Variants in FSAF1 observed in about 807,000 individuals in gnomAD.
The protein encoded by FSAF1 is 40S small subunit processome assembly factor 1, also known as uncharacterized protein C1orf131.
At chr1:231,230,685 A>ACC in the FSAF1 span, among the ~76,000 whole-genome samples, 1 of 151,690 alleles carries the variant, frequency 6.6e-6, no homozygotes, top group South Asian at 2.1e-4. Context: ...CTCATCCCCC[A>ACC]CCCCAGCCCC....
chr1:231,233,381 A>G, the FSAF1 span, among the ~76,000 whole-genome samples: 2 of 152,182 alleles, frequency 1.3e-5, no homozygotes. Context: ...TGGCATCCTT[A>G]GGGTCAGGTT....
chr1:231,225,437 T>C, the FSAF1 span: 2 of 1,599,362 alleles, frequency 1.3e-6, no homozygotes, highest in African/African-American at 2.7e-5. Flanking sequence ...TTCATCCAGA[T>C]TGTTCAACCC....
chr1:231,234,987 AGGACCCTATTT>A, the FSAF1 span, among the ~76,000 whole-genome samples: 1 of 152,230 alleles, frequency 6.6e-6, no homozygotes, highest in Non-Finnish European at 1.5e-5. This position sits in a 1 kb window ranked among gnomAD's most constrained non-coding sequence, Gnocchi z 4.0. Context: ...ATGGTACTCC[AGGACCCTATTT>A]GTTTATAATT....
At chr1:231,226,602 G>C in the FSAF1 span, 1 of 799,098 alleles carries the variant, frequency 1.3e-6, no homozygotes, top group Non-Finnish European at 2.1e-6. Flanking sequence ...GAGCTAACTC[G>C]AAGAAATGGG....
chr1:231,230,695 C>T, the FSAF1 span, among the ~76,000 whole-genome samples: 1 of 152,158 alleles, frequency 6.6e-6, no homozygotes, highest in African/African-American at 2.4e-5. Context: ...ACCCCAGCCC[C>T]CACCACTGTA....
chr1:231,228,352 A>G, the FSAF1 span, among the ~76,000 whole-genome samples: 1 of 152,232 alleles, frequency 6.6e-6, no homozygotes, highest in South Asian at 2.1e-4. Context: ...TAATCCCAAC[A>G]CTTTGGGAGG....
the FSAF1 span, chr1:231,224,515 T>C: frequency 8.0e-7 from 1 of 1,249,972 alleles, no homozygotes. Context: ...TGCAAACTCC[T>C]GGTCGCCTGC....
At chr1:231,238,818 G>C in the FSAF1 span, 2 of 1,539,342 alleles carry the variant, frequency 1.3e-6, no homozygotes, top group Non-Finnish European at 1.8e-6. Flanking sequence ...ACAATACCAG[G>C]GGGTTCACCA....
the FSAF1 span, chr1:231,225,990 G>A: frequency 2.1e-5 from 1 of 46,934 alleles, no homozygotes; most frequent in Non-Finnish European, 3.7e-5. Context: ...GTTATACAAC[G>A]TAAAATGCAA....
the FSAF1 span, among the ~76,000 whole-genome samples, chr1:231,231,294 A>G: frequency 2.0e-5 from 3 of 152,154 alleles, no homozygotes; most frequent in East Asian, 1.9e-4. Context: ...TGAAGTTACG[A>G]TATCTTTTCC....
the FSAF1 span, among the ~76,000 whole-genome samples, chr1:231,229,794 A>C: frequency 3.9e-5 from 6 of 152,198 alleles, no homozygotes; most frequent in Middle Eastern, 3.2e-3. Flanking sequence ...AGTCAAATTC[A>C]CACAGACAGA....
chr1:231,236,113 A>C, the FSAF1 span, among the ~76,000 whole-genome samples: 1 of 152,232 alleles, frequency 6.6e-6, no homozygotes, highest in Non-Finnish European at 1.5e-5. Flanking sequence ...AAGTTTTTAG[A>C]GAACAAGGGC....
chr1:231,224,083 TG>T, the FSAF1 span: 1 of 534,486 alleles, frequency 1.9e-6, no homozygotes, highest in Non-Finnish European at 3.1e-6. Context: ...CATGCTGCAC[TG>T]GGCCTGACAC....
the FSAF1 span, chr1:231,223,775 C>T: frequency 6.6e-6 from 1 of 152,358 alleles, no homozygotes; most frequent in Non-Finnish European, 1.5e-5. Context: ...TACTACAAAC[C>T]TATTTTATTT....
chr1:231,233,512 C>A, the FSAF1 span, among the ~76,000 whole-genome samples: 2 of 152,202 alleles, frequency 1.3e-5, no homozygotes, highest in Admixed American at 6.5e-5. Flanking sequence ...ATTAATATTT[C>A]TGTGGCAATA....
chr1:231,238,758 G>C, the FSAF1 span: 1 of 1,187,506 alleles, frequency 8.4e-7, no homozygotes, highest in Non-Finnish European at 1.2e-6. Context: ...GCAGGCCTGA[G>C]GATAGTCAGG....
the FSAF1 span, chr1:231,226,768 T>G: frequency 6.2e-7 from 1 of 1,610,504 alleles, no homozygotes; most frequent in Non-Finnish European, 8.5e-7. Flanking sequence ...TTTGCTGCCT[T>G]TTTTTCTTTA....
At chr1:231,225,998 C>CAAAAAAAAAAAAAA in the FSAF1 span, 3 of 28,366 alleles carry the variant, frequency 1.1e-4, no homozygotes, top group East Asian at 1.3e-3. Flanking sequence ...ACGTAAAATG[C>CAAAAAAAAAAAAAA]AAAAAAAAAA....
the FSAF1 span, chr1:231,227,017 C>T: frequency 6.2e-7 from 1 of 1,614,196 alleles, no homozygotes; most frequent in East Asian, 2.2e-5. Flanking sequence ...AGGATTCTCT[C>T]CTTTCCTTTT....
Sources: allele counts gnomAD v4.1 joint callset (sites outside exome capture counted in the v4.1 genomes callset), GRCh38; gene constraint gnomAD v4.1.1; non-coding constraint Gnocchi (gnomAD v3.1); transcripts MANE v1.5; gene names NCBI Gene and HGNC (gene_info 2026-07-23, HGNC 2026-07-21).